Variants in TMEM154 observed in about 807,000 individuals in gnomAD.
TMEM154 encodes the protein transmembrane protein 154.
TMEM154 carries 27 observed loss-of-function variants against 24.5 expected under a neutral mutation model. The ratio of observed to expected loss-of-function variants is 1.10; its 90% CI spans 0.81 to 1.52. The LOEUF (loss-of-function observed/expected upper bound fraction) is 1.52, where lower values mean the gene tolerates loss of function less well. Ranked by LOEUF, TMEM154 falls within the 40% of genes most tolerant of loss-of-function variation. The probability of loss-of-function intolerance (pLI) is 0.00; values close to 1 mark genes in which losing one functional copy is unlikely to be tolerated. For missense variants in TMEM154, 228 were observed against 213.4 expected (o/e 1.07, Z -0.43); for synonymous variants, 67 against 76.8 (o/e 0.87, Z 0.67).
chr4:152,657,383 A>T (rs1728511625), intron 1 of TMEM154, among the ~76,000 whole-genome samples: 1 of 151,552 alleles, frequency 6.6e-6, no homozygotes, highest in Admixed American at 6.6e-5. Flanking sequence ...GTGTGGTGGC[A>T]TGCTCCTGAA....
intron 1 of TMEM154, among the ~76,000 whole-genome samples, chr4:152,667,827 G>C (rs1451327473): frequency 1.3e-5 from 2 of 152,154 alleles, no homozygotes; most frequent in Non-Finnish European, 1.5e-5. Context: ...TCTTTTTTCT[G>C]GTTTTGAGGA....
chr4:152,643,169 T>C lies in TMEM154; in HGVS notation c.397A>G (p.Ile133Val), dbSNP rs759617737. ...ELGSENVKVP[I>V]FEEDTPSVME... ...ACAGAGGGTGTATCTTCCTCAAAAA[T>C]AGGGCTAGAAATAGAGAGCAAAAGA... is the stretch of plus-strand genomic sequence containing the variant. Residue 133 changes from isoleucine (I) to valine (V), a missense_variant, in exon 5 of 7, where the codon ATT (isoleucine) becomes GTT (valine). Physicochemically the swap from Ile to Val is conservative, Grantham distance 29. Coordinates refer to ENST00000304385, the MANE Select transcript of TMEM154 (RefSeq NM_152680.3). 1 of 1,606,618 alleles carries C rather than the reference T, an allele frequency of 6.2e-7. No individual in the cohort carries two copies. The highest frequency in any genetic ancestry group is 2.2e-5 in the East Asian group (1 of 44,810).
Position 152,626,471 on chromosome 4 carries a change from A to G in TMEM154, c.*2075T>C, listed in dbSNP as rs1368167025. 6.6e-6 allele frequency: 1 copy of G among 152,238 alleles called. No homozygotes were observed. The highest frequency in any genetic ancestry group is 1.5e-5 in the Non-Finnish European group (1 of 68,038). 9.4% of individuals were successfully genotyped at this position (152,238 alleles called of 1,614,324 possible). A position where few individuals can be genotyped will look rare whatever the true frequency, so the allele number is the denominator to read the frequency against. ...TGTTCTGGCTGTATACTAACTTCAT[A>G]TACCCTGACAGAATAAACTATCTTT... On this transcript the variant is annotated 3_prime_UTR_variant, in exon 7 of 7. Transcript: ENST00000304385.
chr4:152,646,198 T>C (rs937216068), intron 3 of TMEM154, among the ~76,000 whole-genome samples: 3 of 152,136 alleles, frequency 2.0e-5, no homozygotes, highest in Non-Finnish European at 4.4e-5. Context: ...CCCACCGTTG[T>C]GGGCATGGAT....
chr4:152,677,270 C>T (rs573505626), intron 1 of TMEM154, among the ~76,000 whole-genome samples: 3 of 152,256 alleles, frequency 2.0e-5, no homozygotes, highest in Non-Finnish European at 2.9e-5. Context: ...GAGAAGAGGT[C>T]GCTGACTCAG....
At chr4:152,667,504 C>A (rs1056898899) in intron 1 of TMEM154, among the ~76,000 whole-genome samples, 31 of 152,124 alleles carry the variant, frequency 2.0e-4, no homozygotes, top group Non-Finnish European at 4.4e-4. Context: ...TCTCTGGGAG[C>A]AGGACTCGAG....
intron 1 of TMEM154, among the ~76,000 whole-genome samples, chr4:152,673,029 C>A (rs1247934478): frequency 6.6e-6 from 1 of 152,180 alleles, no homozygotes; most frequent in Non-Finnish European, 1.5e-5. Context: ...GGACTACCAT[C>A]TTTTTGCTGA....
intron 1 of TMEM154, among the ~76,000 whole-genome samples, chr4:152,674,705 A>G (rs981586115): frequency 1.3e-5 from 2 of 152,192 alleles, no homozygotes; most frequent in Non-Finnish European, 2.9e-5. Context: ...CTAGTTTGTG[A>G]TAACAAGGCT....
intron 3 of TMEM154, among the ~76,000 whole-genome samples, chr4:152,650,628 A>G (rs1728359685): frequency 6.6e-6 from 1 of 152,176 alleles, no homozygotes; most frequent in Non-Finnish European, 1.5e-5. Flanking sequence ...ATGAATCGGA[A>G]ATGTTCTTAA....
At position 152,619,108 on chromosome 4, in the gene TMEM154, C is replaced by T. The variant is rs1751807496; in HGVS notation, c.*9438G>A. The T allele has an allele frequency of 6.6e-6, 1 of 152,224 alleles. No homozygotes were observed. Among genetic ancestry groups the T allele is most frequent in the South Asian group, 2.1e-4 (1 of 4,834 alleles). 9.4% of individuals were successfully genotyped at this position (152,224 alleles called of 1,614,324 possible). ...AAGACTGATCCCTATCCTCAAGGTGCTCAGTCTAATCTGCTCCCATTTTAA... is the reference window on the plus strand; with the variant it reads ...AAGACTGATCCCTATCCTCAAGGTGTTCAGTCTAATCTGCTCCCATTTTAA... On this transcript the variant is annotated 3_prime_UTR_variant, in exon 7 of 7. Transcript: ENST00000304385.
rs1405843993 is a variant in TMEM154, at chr4:152,619,215, G to A, written c.*9331C>T. ...TTCAGTCCCATGGCTCATGACTCAT[G>A]TAGTTGGTAAAACTAGTTCTACCAC... On this transcript the variant is annotated 3_prime_UTR_variant, in exon 7 of 7. Transcript: ENST00000304385. The A allele has an allele frequency of 6.6e-6, 1 of 152,174 alleles. No individual in the cohort carries two copies. Among genetic ancestry groups the A allele is most frequent in the African/African-American group, 2.4e-5 (1 of 41,438 alleles). The allele number at this position is 152,174 out of a possible 1,614,324, so 9.4% of individuals were successfully genotyped here. A position where few individuals can be genotyped will look rare whatever the true frequency, so the allele number is the denominator to read the frequency against.
chr4:152,676,369 G>A (rs1472845147), intron 1 of TMEM154, among the ~76,000 whole-genome samples: 1 of 152,200 alleles, frequency 6.6e-6, no homozygotes, highest in Admixed American at 6.5e-5. Flanking sequence ...CGAGTAGCCT[G>A]GCAGAGCTTG....
intron 3 of TMEM154, among the ~76,000 whole-genome samples, chr4:152,645,450 G>C (rs1481341407): frequency 6.6e-6 from 1 of 152,190 alleles, no homozygotes; most frequent in Non-Finnish European, 1.5e-5. Flanking sequence ...CAAGTGGTGA[G>C]AATTGGAGCC....
At chr4:152,661,304 CTCT>C (rs1728602636) in intron 1 of TMEM154, among the ~76,000 whole-genome samples, 1 of 130,322 alleles carries the variant, frequency 7.7e-6, no homozygotes, top group Non-Finnish European at 1.6e-5. Context: ...CTCTCTCTCT[CTCT>C]CTCTCTCTCT....
chr4:152,671,826 A>C (rs1312408336), intron 1 of TMEM154, among the ~76,000 whole-genome samples: 1 of 151,586 alleles, frequency 6.6e-6, no homozygotes, highest in East Asian at 1.9e-4. Context: ...GGGAGCAAAG[A>C]ATGAGTATTG....
rs548337982 is a variant in TMEM154, at chr4:152,646,674, C to T, written c.365-2232G>A. ...CTCCTCCAACCCACTTTGTCCTCCTCCTTCAGTTCCTACTTCCCCCCCACT... is the reference window on the plus strand; with the variant it reads ...CTCCTCCAACCCACTTTGTCCTCCTTCTTCAGTTCCTACTTCCCCCCCACT... On this transcript the variant is annotated intron_variant, in intron 3 of 6. Coordinates refer to ENST00000304385, the MANE Select transcript of TMEM154 (RefSeq NM_152680.3). 4.1e-5 allele frequency: 16 copies of T among 388,232 alleles called. No individual in the cohort carries two copies. The Admixed American group carries it at 5.2e-4, about 13-fold the overall frequency. The allele number at this position is 388,232 out of a possible 1,614,324, so 24.0% of individuals were successfully genotyped here.
chr4:152,640,763 T>C (rs1333597478), intron 6 of TMEM154, among the ~76,000 whole-genome samples, 165 bp downstream of exon 6: 1 of 152,222 alleles, frequency 6.6e-6, no homozygotes, highest in Non-Finnish European at 1.5e-5. Flanking sequence ...TTCTATTTTC[T>C]GTAACACACT....
intron 1 of TMEM154, among the ~76,000 whole-genome samples, chr4:152,665,336 C>T (rs931784150): frequency 2.0e-5 from 3 of 152,216 alleles, no homozygotes; most frequent in African/African-American, 7.2e-5. Context: ...CACTTCTGGC[C>T]TCCCCTGAGC....
intron 3 of TMEM154, among the ~76,000 whole-genome samples, chr4:152,651,832 A>T (rs1403325310): frequency 2.0e-5 from 3 of 152,222 alleles, no homozygotes; most frequent in Non-Finnish European, 4.4e-5. Context: ...CTTCCTCACA[A>T]GGCTTAATCA....
Sources: gnomAD v4.1 joint callset for allele counts (sites outside exome capture counted in the v4.1 genomes callset) on GRCh38, gnomAD v4.1.1 for gene constraint, MANE v1.5 for transcripts, NCBI Gene and HGNC (gene_info 2026-07-23, HGNC 2026-07-21) for gene names.